Variants in C16orf96 observed in about 807,000 individuals in gnomAD.
The protein encoded by C16orf96 is uncharacterized protein C16orf96.
C16orf96 carries 108 observed loss-of-function variants against 103.6 expected under a neutral mutation model. The observed-to-expected ratio is 1.04, with a 90% CI of 0.89 to 1.22. The LOEUF (loss-of-function observed/expected upper bound fraction) is 1.22. Ranked by LOEUF, C16orf96 falls within the 50% of genes most tolerant of loss-of-function variation. The pLI, the probability that C16orf96 is intolerant of heterozygous loss-of-function variation, is 0.00. For missense variants in C16orf96, 1,586 were observed against 1,464.2 expected, an observed-to-expected ratio of 1.08 and a Z score of -1.36; for synonymous variants, 566 against 593.5, an observed-to-expected ratio of 0.95 and a Z score of 0.67.
intron 1 of C16orf96, among the ~76,000 whole-genome samples, chr16:4,558,707 G>A (rs1205695087): frequency 5.3e-5 from 8 of 152,018 alleles, no homozygotes; most frequent in Admixed American, 5.3e-4. Context: ...CTGAGGTGAG[G>A]AGTTCGAGAC....
intron 1 of C16orf96, among the ~76,000 whole-genome samples, chr16:4,565,569 A>G (rs2059378621): frequency 6.6e-6 from 1 of 151,124 alleles, no homozygotes; most frequent in Non-Finnish European, 1.5e-5. Flanking sequence ...GCTCACTGCA[A>G]CCTCCACCTC....
At chr16:4,594,264 C>T (rs1171714166) in intron 12 of C16orf96, 87 bp from the exon 13 acceptor site, 1 of 1,438,106 alleles carries the variant, frequency 7.0e-7, no homozygotes, top group Admixed American at 2.4e-5. Context: ...CTGGTCTTCC[C>T]TCGATGCTGG....
intron 1 of C16orf96, among the ~76,000 whole-genome samples, chr16:4,559,037 A>T (rs1404110909): frequency 6.6e-6 from 1 of 151,608 alleles, no homozygotes; most frequent in African/African-American, 2.4e-5. Context: ...GTGAGTTGAG[A>T]TCGCACCACT....
At chr16:4,596,313 C>T (rs1193440031) in intron 14 of C16orf96, among the ~76,000 whole-genome samples, 7 of 152,028 alleles carry the variant, frequency 4.6e-5, no homozygotes, top group East Asian at 1.9e-4. Context: ...GGTGAAACCT[C>T]GTCTGTACTG....
At chr16:4,577,949 CA>C (rs936474664) in intron 5 of C16orf96, among the ~76,000 whole-genome samples, 3 of 150,248 alleles carry the variant, frequency 2.0e-5, no homozygotes, top group Non-Finnish European at 3.0e-5. Flanking sequence ...GACTCCTCCT[CA>C]AAACAAAAAA....
Position 4,575,416 on chromosome 16 carries a change from C to CA in C16orf96, c.937dup (p.Thr313AsnfsTer3), listed in dbSNP as rs1450287086. 3 of 1,550,098 alleles carry CA rather than the reference C, an allele frequency of 1.9e-6. No individual in the cohort carries two copies. Among genetic ancestry groups the CA allele is most frequent in the African/African-American group, 2.7e-5 (2 of 73,066 alleles). On this transcript the variant is annotated frameshift_variant, in exon 5 of 16. Transcript: ENST00000444310. LOFTEE classifies it high-confidence loss of function. ...AGGAGCCAGCGCAGCCTCCGGCCCTCACGCCTGAGTCTGCACCTGGGTGCA... is the reference window on the plus strand; with the variant it reads ...AGGAGCCAGCGCAGCCTCCGGCCCTCAACGCCTGAGTCTGCACCTGGGTGCA...
chr16:4,551,037 C>T, the C16orf96 span, among the ~76,000 whole-genome samples: 3 of 152,220 alleles, frequency 2.0e-5, no homozygotes, highest in East Asian at 5.8e-4. Context: ...CTTTGGGAGG[C>T]TGAGGCCAGA....
rs187201007 is a variant in C16orf96, at chr16:4,584,725, G to T, written c.2353-2314G>T. On this transcript the variant is annotated intron_variant, in intron 7 of 15. Transcript: ENST00000444310. ...AATTTTTTATTTTGAGTAGAGACAG[G>T]GTTTCACCACATTGGCCAGGCTGGT... 8.1e-4 allele frequency among the ~76,000 whole-genome samples: 123 copies of T among 152,102 alleles called. 3 individuals are homozygous for T. The highest frequency in any genetic ancestry group is 6.5e-4 in the Admixed American group (10 of 15,270).
upstream of C16orf96, among the ~76,000 whole-genome samples, chr16:4,551,389 C>T (rs1442188101): frequency 6.6e-6 from 1 of 152,180 alleles, no homozygotes; most frequent in Non-Finnish European, 1.5e-5. Flanking sequence ...TGAGGTCACC[C>T]AAGGATAACC....
the C16orf96 span, among the ~76,000 whole-genome samples, chr16:4,551,153 T>G: frequency 1.3e-5 from 2 of 152,062 alleles, no homozygotes; most frequent in Admixed American, 6.6e-5. Flanking sequence ...ACACCTATGG[T>G]TTTAGCTACT....
At chr16:4,571,771 G>A in intron 2 of C16orf96, 106 bp downstream of exon 2, 1 of 986,170 alleles carries the variant, frequency 1.0e-6, no homozygotes, top group Non-Finnish European at 1.5e-6. Context: ...CAAGAGTGCA[G>A]CTGTGAGGGT....
chr16:4,575,732 C>G lies in C16orf96; in HGVS notation c.1252C>G (p.Pro418Ala). Residue 418 changes from proline to alanine, a missense_variant, in exon 5 of 16, where the codon CCC becomes GCC. Transcript: ENST00000444310. ...CTTAGGTGTCCTGCGGCCAACTCAG[C>G]CCCAACCCTCCAGGGCCCCACCACC... ...WDLGVLRPTQ[P>A]QPSRAPPPAT... 6.5e-7 allele frequency: 1 copy of G among 1,538,896 alleles called. No individual in the cohort carries two copies. The highest frequency in any genetic ancestry group is 8.8e-7 in the Non-Finnish European group (1 of 1,141,200).
intron 1 of C16orf96, among the ~76,000 whole-genome samples, chr16:4,571,241 C>T (rs901836544): frequency 2.2e-4 from 33 of 152,234 alleles, no homozygotes; most frequent in Non-Finnish European, 2.1e-4. Flanking sequence ...TCCAGTGGCT[C>T]CTACCCAGGG....
At chr16:4,548,876 C>A in the C16orf96 span, among the ~76,000 whole-genome samples, 161 of 132,968 alleles carry the variant, frequency 1.2e-3, no homozygotes, top group South Asian at 2.2e-3. Flanking sequence ...GTGAGACTCT[C>A]AAAAAAAAAA....
chr16:4,600,634 AGGGGT>A lies in C16orf96; in HGVS notation c.*318_*322del. 5.1e-6 allele frequency: 2 copies of A among 391,354 alleles called. No individual in the cohort carries two copies. The highest frequency in any genetic ancestry group is 1.2e-4 in the East Asian group (2 of 17,148). 24.2% of individuals were successfully genotyped at this position (391,354 alleles called of 1,614,324 possible). On this transcript the variant is annotated 3_prime_UTR_variant, in exon 16 of 16. Coordinates refer to ENST00000444310, the MANE Select transcript of C16orf96 (RefSeq NM_001145011.2). ...GGTGCTGGGGCCCTGGATAGAGGGGAGGGGTCTGTGTAGGGGACCCCCATGCTGAC... is the reference window on the plus strand; with the variant it reads ...GGTGCTGGGGCCCTGGATAGAGGGGACTGTGTAGGGGACCCCCATGCTGAC...
At chr16:4,547,609 C>CCTTT in the C16orf96 span, among the ~76,000 whole-genome samples, 5 of 151,552 alleles carry the variant, frequency 3.3e-5, no homozygotes, top group East Asian at 1.9e-4. Context: ...CTCTTTCCTT[C>CCTTT]CTTTCTTTCT....
rs577105770 is a variant in C16orf96 at position 4,570,535 on chromosome 16, G to A, written c.421-1026G>A. ...TCTGGAGTGCAGTGGTGCGATCTTG[G>A]CTCACTGCAGCCTCTGCCTCCCAGG... On this transcript the variant is annotated intron_variant, in intron 1 of 15. Coordinates refer to ENST00000444310, the MANE Select transcript of C16orf96 (RefSeq NM_001145011.2). 2.0e-5 allele frequency among the ~76,000 whole-genome samples: 3 copies of A among 148,442 alleles called. No individual in the cohort carries two copies. The East Asian group carries it at 5.9e-4, about 29-fold the overall frequency.
chr16:4,567,092 T>C (rs1407506459), intron 1 of C16orf96, among the ~76,000 whole-genome samples: 1 of 152,090 alleles, frequency 6.6e-6, no homozygotes, highest in Non-Finnish European at 1.5e-5. Flanking sequence ...AGGTGGAAGG[T>C]TAAGTTATTG....
chr16:4,586,899 G>A (rs1482152421), intron 7 of C16orf96, 140 bp from the exon 8 acceptor site: 2 of 683,396 alleles, frequency 2.9e-6, no homozygotes, highest in African/African-American at 3.6e-5. Flanking sequence ...CCTGAGTCTT[G>A]TAACGCCCAT....
Sources: allele counts gnomAD v4.1 joint callset (sites outside exome capture counted in the v4.1 genomes callset), GRCh38; gene constraint gnomAD v4.1.1; transcripts MANE v1.5; gene names NCBI Gene and HGNC (gene_info 2026-07-23, HGNC 2026-07-21).